C1orf185: variants seen among roughly 807,000 people sequenced by gnomAD.
C1orf185 encodes the protein chromosome 1 open reading frame 185, also known as uncharacterized protein C1orf185.
Under a neutral mutation model 16.1 loss-of-function variants are expected in C1orf185, and 13 were observed. The ratio of observed to expected loss-of-function variants is 0.81; its 90% confidence interval spans 0.53 to 1.28. The LOEUF (loss-of-function observed/expected upper bound fraction) is 1.28, where lower values mean the gene tolerates loss of function less well. Ranked by LOEUF, C1orf185 falls within the 50% of genes most tolerant of loss-of-function variation. The pLI, the probability that C1orf185 is intolerant of heterozygous loss-of-function variation, is 0.00. For missense variants in C1orf185, 220 were observed against 225.2 expected, an observed-to-expected ratio of 0.98 and a Z score of 0.15; for synonymous variants, 80 against 76.9, an observed-to-expected ratio of 1.04 and a Z score of -0.21.
chr1:51,134,779 C>T lies in C1orf185; in HGVS notation c.259-10945C>T, dbSNP rs902287248. On this transcript the variant is annotated intron_variant, in intron 3 of 4. Coordinates refer to ENST00000371759, the MANE Select transcript of C1orf185 (RefSeq NM_001136508.2). ...AAATGGATAAATTCCTGGACACATA[C>T]TTCCTAACACTGAACCAGGAAGAAA... 2.6e-5 allele frequency among the ~76,000 whole-genome samples: 4 copies of T among 152,166 alleles called. No individual in the cohort carries two copies. The East Asian group carries it at 5.8e-4, about 22-fold the overall frequency.
intron 2 of C1orf185, among the ~76,000 whole-genome samples, chr1:51,114,840 G>A (rs944027450): frequency 6.6e-6 from 1 of 152,166 alleles, no homozygotes; most frequent in Admixed American, 6.5e-5. Context: ...ACAGCTATCA[G>A]TTTCAACAAA....
At chr1:51,121,794 A>G (rs1323802229) in intron 3 of C1orf185, among the ~76,000 whole-genome samples, 1 of 152,168 alleles carries the variant, frequency 6.6e-6, no homozygotes, top group African/African-American at 2.4e-5. Context: ...ACACATACAC[A>G]TGAAATTTAA....
intron 2 of C1orf185, 32 bp from the exon 3 acceptor site, chr1:51,118,634 T>C: frequency 8.2e-7 from 1 of 1,222,884 alleles, no homozygotes; most frequent in Non-Finnish European, 1.1e-6. Context: ...CTAACTCAGG[T>C]TTAATAATAT....
intron 3 of C1orf185, among the ~76,000 whole-genome samples, chr1:51,125,555 C>T (rs1348182926): frequency 1.3e-5 from 2 of 152,076 alleles, no homozygotes; most frequent in Non-Finnish European, 2.9e-5. Context: ...GTCACCATGC[C>T]CAGCTGTAAT....
At chr1:51,149,674 A>T (rs1557655652), downstream of C1orf185, among the ~76,000 whole-genome samples, 5 of 152,222 alleles carry the variant, frequency 3.3e-5, no homozygotes. Flanking sequence ...GAGGAAATAC[A>T]AACTGGGGAA....
intron 1 of C1orf185, among the ~76,000 whole-genome samples, chr1:51,110,021 A>C (rs970509783): frequency 1.3e-5 from 2 of 152,198 alleles, no homozygotes; most frequent in African/African-American, 4.8e-5. Context: ...TTTTTCTAAA[A>C]ATAAAAATCT....
At chr1:51,138,109 C>T (rs979551542) in intron 3 of C1orf185, among the ~76,000 whole-genome samples, 1 of 152,046 alleles carries the variant, frequency 6.6e-6, no homozygotes, top group African/African-American at 2.4e-5. Context: ...GGGTACTAGG[C>T]TTAATACCTG....
At chr1:51,106,263 A>G (rs980339158) in intron 1 of C1orf185, among the ~76,000 whole-genome samples, 4 of 152,188 alleles carry the variant, frequency 2.6e-5, no homozygotes, top group Non-Finnish European at 5.9e-5. Context: ...AAAATTTGAT[A>G]TATAGAAAGG....
In C1orf185 at chr1:51,104,952, C is replaced by T. The variant is rs565981340; in HGVS notation, c.16+2703C>T. Among the ~76,000 whole-genome samples, 3 of 151,648 alleles carry T rather than the reference C, an allele frequency of 2.0e-5. No homozygotes were observed. In the South Asian group the frequency reaches 6.2e-4, roughly 32 times the overall value. ...TTGTATGCTCCATAATCGTGTGTTA[C>T]TTTTCTTTTTCTTCTCCATTTTTTT... On this transcript the variant is annotated intron_variant, in intron 1 of 4. Transcript: ENST00000371759.
intron 3 of C1orf185, among the ~76,000 whole-genome samples, chr1:51,128,597 G>A (rs1646259714): frequency 6.6e-6 from 1 of 152,098 alleles, no homozygotes; most frequent in Non-Finnish European, 1.5e-5. Flanking sequence ...GGAGGCTGAG[G>A]CAGGATAATC....
At chr1:51,113,455 G>A (rs543196909) in intron 2 of C1orf185, among the ~76,000 whole-genome samples, 1 of 151,962 alleles carries the variant, frequency 6.6e-6, no homozygotes, top group East Asian at 1.9e-4. Context: ...AGGCCAAAGC[G>A]GACGGATCAC....
intron 3 of C1orf185, among the ~76,000 whole-genome samples, chr1:51,142,140 T>C (rs1227720123): frequency 1.1e-4 from 16 of 152,194 alleles, no homozygotes; most frequent in Admixed American, 1.0e-3. Flanking sequence ...TGATTCAATG[T>C]TTTCATATAA....
chr1:51,124,182 C>A (rs975775145), intron 3 of C1orf185, among the ~76,000 whole-genome samples: 1 of 150,360 alleles, frequency 6.7e-6, no homozygotes, highest in African/African-American at 2.4e-5. Context: ...CCTGGGTTCA[C>A]GCCATTCTCC....
chr1:51,119,884 A>G (rs999138), intron 3 of C1orf185, among the ~76,000 whole-genome samples: 7,262 of 152,270 alleles, frequency 0.048, 477 homozygotes, highest in African/African-American at 0.15. Flanking sequence ...ATATGAGCCC[A>G]GCCCTAGATG....
At chr1:51,125,240 C>T in intron 3 of C1orf185, among the ~76,000 whole-genome samples, 1 of 152,220 alleles carries the variant, frequency 6.6e-6, no homozygotes, top group East Asian at 1.9e-4. Flanking sequence ...TGCCCACCCA[C>T]AGCATCACAT....
At chr1:51,138,408 T>C (rs1389646839) in intron 3 of C1orf185, among the ~76,000 whole-genome samples, 1 of 152,212 alleles carries the variant, frequency 6.6e-6, no homozygotes, top group African/African-American at 2.4e-5. Context: ...GTTTGTTTGT[T>C]TTGAGACAGA....
At position 51,147,608 on chromosome 1, in the gene C1orf185, A is replaced by G; in HGVS notation, c.437A>G (p.Gln146Arg). ...STLPSDSYYSQSIEAADDWFS... is the reference protein window; with the variant it reads ...STLPSDSYYSRSIEAADDWFS... ...TTACCATCTGATTCTTATTACAGCC[A>G]AAGTATAGAAGCAGCTGATGACTGG... is the stretch of plus-strand genomic sequence containing the variant. Residue 146 changes from glutamine to arginine, a missense_variant, in exon 5 of 5, where the codon CAA becomes CGA. Physicochemically the swap from Gln to Arg is conservative, Grantham distance 43 (BLOSUM62 1). Coordinates refer to ENST00000371759, the MANE Select transcript of C1orf185 (RefSeq NM_001136508.2). The G allele has an allele frequency of 6.4e-7, 1 of 1,551,590 alleles. No individual in the cohort carries two copies. The highest frequency in any genetic ancestry group is 8.7e-7 in the Non-Finnish European group (1 of 1,146,924).
At chr1:51,138,548 A>G (rs960153801) in intron 3 of C1orf185, among the ~76,000 whole-genome samples, 2 of 151,980 alleles carry the variant, frequency 1.3e-5, no homozygotes, top group African/African-American at 4.8e-5. Context: ...GCCCGTCACC[A>G]TGCCCAGCTA....
At chr1:51,109,288 G>A (rs1006408270) in intron 1 of C1orf185, among the ~76,000 whole-genome samples, 4 of 152,084 alleles carry the variant, frequency 2.6e-5, no homozygotes, top group African/African-American at 9.7e-5. Context: ...GCTGAGTTGA[G>A]TTCCTTGTAT....
Sources: allele counts gnomAD v4.1 joint callset (sites outside exome capture counted in the v4.1 genomes callset), GRCh38; gene constraint gnomAD v4.1.1; transcripts MANE v1.5; gene names NCBI Gene and HGNC (gene_info 2026-07-23, HGNC 2026-07-21).